MAST4: variants seen among roughly 807,000 people sequenced by gnomAD.
MAST4 encodes the protein microtubule associated serine/threonine kinase family member 4, also known as microtubule-associated serine/threonine-protein kinase 4.
A neutral mutation model predicts 162.7 loss-of-function variants in MAST4; 89 were observed. The ratio of observed to expected loss-of-function variants is 0.55; its 90% CI spans 0.46 to 0.65. MAST4 has a LOEUF of 0.65. Among genes scored for constraint, MAST4 ranks in the 30% least tolerant of loss-of-function variants. The pLI, the probability that MAST4 is intolerant of heterozygous loss-of-function variation, is 0.00. For synonymous variants in MAST4, 1,479 were observed against 1,361.1 expected (o/e 1.09, Z -1.91); for missense variants, 3,153 against 3,374.0 (o/e 0.93, Z 1.62).
At chr5:66,843,327 C>G (rs1758557669) in intron 3 of MAST4, among the ~76,000 whole-genome samples, 1 of 152,178 alleles carries the variant, frequency 6.6e-6, no homozygotes, top group Non-Finnish European at 1.5e-5. Flanking sequence ...TTTCATTTGT[C>G]AAGCACTTGA....
chr5:67,076,316 C>A (rs1450008286), intron 5 of MAST4, among the ~76,000 whole-genome samples: 1 of 152,156 alleles, frequency 6.6e-6, no homozygotes, highest in African/African-American at 2.4e-5. Context: ...TTACCAAGGT[C>A]CTCTCTTTCA....
intron 23 of MAST4, 71 bp from the exon 24 acceptor site, chr5:67,149,318 T>C: frequency 7.2e-7 from 1 of 1,388,196 alleles, no homozygotes; most frequent in Non-Finnish European, 1.0e-6. Flanking sequence ...CTGCTGTCTC[T>C]CTCTTCCCGT....
chr5:67,156,054 G>A (rs1459103344), intron 26 of MAST4, among the ~76,000 whole-genome samples: 21 of 143,180 alleles, frequency 1.5e-4, no homozygotes, highest in African/African-American at 4.7e-4. Flanking sequence ...GTGAGATTCC[G>A]TCTCAAGAAA....
chr5:66,660,640 T>C (rs376765937), intron 1 of MAST4, among the ~76,000 whole-genome samples: 67 of 152,356 alleles, frequency 4.4e-4, no homozygotes, highest in African/African-American at 1.4e-3. Context: ...ATGACTTGCC[T>C]GACCACAGTC....
chr5:67,142,592 G>C, intron 21 of MAST4, 59 bp downstream of exon 21: 2 of 1,155,198 alleles, frequency 1.7e-6, no homozygotes, highest in East Asian at 2.6e-5. Flanking sequence ...CCGCTGGCCA[G>C]ATAGTATCCC....
intron 14 of MAST4, among the ~76,000 whole-genome samples, 155 bp from the exon 15 acceptor site, chr5:67,130,055 G>A (rs1403214135): frequency 6.6e-6 from 1 of 152,134 alleles, no homozygotes. Context: ...AGTTTAGCCT[G>A]GGATGGGATG....
At chr5:66,893,227 A>G (rs1046900705) in intron 3 of MAST4, among the ~76,000 whole-genome samples, 9 of 152,036 alleles carry the variant, frequency 5.9e-5, no homozygotes, top group Non-Finnish European at 1.2e-4. Context: ...TTTTTTTAAG[A>G]CAGAGTCTTG....
At chr5:66,899,886 T>C in intron 3 of MAST4, 65 bp from the exon 4 acceptor site, 8 of 1,271,510 alleles carry the variant, frequency 6.3e-6, no homozygotes, top group Non-Finnish European at 8.5e-6. Flanking sequence ...CGTTATCCAT[T>C]TGGTATCCTA....
At chr5:66,746,347 A>C (rs1465004877) in intron 1 of MAST4, among the ~76,000 whole-genome samples, 1 of 152,172 alleles carries the variant, frequency 6.6e-6, no homozygotes, top group East Asian at 1.9e-4. Flanking sequence ...GCACCTTGCC[A>C]CAGTGAGCCT....
chr5:66,770,696 G>A (rs759946267), intron 2 of MAST4, among the ~76,000 whole-genome samples: 1 of 152,198 alleles, frequency 6.6e-6, no homozygotes, highest in African/African-American at 2.4e-5. Flanking sequence ...CTTATACCCG[G>A]GGCAGGTGAG....
chr5:66,711,059 T>C (rs1484242505), intron 1 of MAST4, among the ~76,000 whole-genome samples: 2 of 152,234 alleles, frequency 1.3e-5, no homozygotes, highest in Non-Finnish European at 2.9e-5. Context: ...TTAGTTTCGC[T>C]ACTCTTTGAA....
At chr5:67,074,621 C>A (rs1761381390) in intron 5 of MAST4, among the ~76,000 whole-genome samples, 1 of 152,062 alleles carries the variant, frequency 6.6e-6, no homozygotes, top group African/African-American at 2.4e-5. Flanking sequence ...ATTTAAAAAT[C>A]ACATTTTTGA....
chr5:67,028,352 T>A (rs1318132396), intron 4 of MAST4, among the ~76,000 whole-genome samples: 1 of 152,162 alleles, frequency 6.6e-6, no homozygotes, highest in African/African-American at 2.4e-5. Context: ...ACAGGAAATG[T>A]ACTCTGAGGG....
At chr5:67,031,690 G>A (rs1194108659) in intron 4 of MAST4, among the ~76,000 whole-genome samples, 9 of 152,158 alleles carry the variant, frequency 5.9e-5, no homozygotes. Context: ...TGGAGAAAGA[G>A]CAGGAATCAT....
At position 67,162,855 on chromosome 5, in the gene MAST4, A is replaced by C. The variant is rs373527688; in HGVS notation, c.3967+67A>C. 4.7e-4 allele frequency: 694 copies of C among 1,472,260 alleles called. 3 individuals are homozygous for C. In the African/African-American group the frequency reaches 8.8e-3, roughly 19 times the overall value. 91.2% of individuals were successfully genotyped at this position (1,472,260 alleles called of 1,614,324 possible). A position where few individuals can be genotyped will look rare whatever the true frequency, so the allele number is the denominator to read the frequency against. On this transcript the variant is annotated intron_variant, in intron 28 of 28. Coordinates refer to ENST00000403625, the MANE Select transcript of MAST4 (RefSeq NM_001164664.2). ...GTAAAGTCATGTGAGGTCCCCAAAA[A>C]ACATGAAGCTTGTTCCAGCTGAAAG...
intron 2 of MAST4, among the ~76,000 whole-genome samples, chr5:66,779,736 G>A (rs937637757): frequency 2.6e-5 from 4 of 152,148 alleles, no homozygotes; most frequent in African/African-American, 7.2e-5. Context: ...TGAGCAATGG[G>A]GCAGAGAAGA....
intron 1 of MAST4, among the ~76,000 whole-genome samples, chr5:66,697,214 C>T (rs1342186845): frequency 1.3e-5 from 2 of 152,146 alleles, no homozygotes; most frequent in Non-Finnish European, 2.9e-5. Context: ...ATCTGCTACC[C>T]TGAACTTGAG....
At chr5:66,630,349 G>C (rs1048329955) in intron 1 of MAST4, among the ~76,000 whole-genome samples, 8 of 152,102 alleles carry the variant, frequency 5.3e-5, no homozygotes, top group African/African-American at 7.2e-5. Flanking sequence ...TCCGCATCCT[G>C]TTTTCATCAT....
Position 66,912,369 on chromosome 5 carries a change from A to G in MAST4, c.674+12387A>G, listed in dbSNP as rs6449839. Among the ~76,000 whole-genome samples, 1,143 of 152,364 alleles carry G rather than the reference A, an allele frequency of 7.5e-3. 18 individuals are homozygous for G. Among genetic ancestry groups the G allele is most frequent in the African/African-American group, 0.026 (1,088 of 41,576 alleles). On this transcript the variant is annotated intron_variant, in intron 4 of 28. Coordinates refer to ENST00000403625, the MANE Select transcript of MAST4 (RefSeq NM_001164664.2). ...AACCATAGTGTTTAGTATCTTAACA[A>G]ATCAAGAATCAATTATCTGCAAGAA...
Sources: gnomAD v4.1 joint callset for allele counts (sites outside exome capture counted in the v4.1 genomes callset) on GRCh38, gnomAD v4.1.1 for gene constraint, MANE v1.5 for transcripts, NCBI Gene and HGNC (gene_info 2026-07-23, HGNC 2026-07-21) for gene names.